The following PHLPP1 variants were observed in gnomAD, a reference collection of about 807,000 sequenced individuals.
PHLPP1 encodes PH domain leucine-rich repeat-containing protein phosphatase 1.
PHLPP1 carries 42 observed loss-of-function variants against 117.2 expected under a neutral mutation model. The ratio of observed to expected loss-of-function variants is 0.36; its 90% CI spans 0.28 to 0.46. The LOEUF (loss-of-function observed/expected upper bound fraction) is 0.46. Ranked by LOEUF, PHLPP1 falls within the 20% of genes least tolerant of loss-of-function variation. The pLI is 1.00. For missense variants in PHLPP1, 2,084 were observed against 2,241.9 expected, an observed-to-expected ratio of 0.93 and a Z score of 1.42; for synonymous variants, 1,042 against 970.7, an observed-to-expected ratio of 1.07 and a Z score of -1.37.
In PHLPP1 at chr18:62,970,704, G is replaced by A. The variant is rs1317866619; in HGVS notation, c.3561-1810G>A. ...CACTTGAACCCGGGAGGCAGAGATT[G>A]CAGTGAACCAAGATCACACCACTGC... is the stretch of plus-strand genomic sequence containing the variant. On this transcript the variant is annotated intron_variant, in intron 14 of 16. Transcript: ENST00000262719. 1.3e-5 allele frequency among the ~76,000 whole-genome samples: 2 copies of A among 152,264 alleles called. 1 individual carries two copies. The highest frequency in any genetic ancestry group is 4.1e-4 in the South Asian group (2 of 4,824).
chr18:62,838,831 T>A lies in PHLPP1; in HGVS notation c.1821T>A (p.Ser607=). The change falls in exon 3 of 17, where the codon TCT becomes TCA. Residue 607 remains serine (S), a synonymous_variant. Coordinates refer to ENST00000262719, the MANE Select transcript of PHLPP1 (RefSeq NM_194449.4). The part of the protein sequence containing the change: ...KHQHCLAFSS[S]GPQSQTYYIC... ...AACACTGTTTAGCATTTAGCTCCTC[T>A]GGACCCCAAAGCCAGACTTACTACA... The A allele has an allele frequency of 6.2e-7, 1 of 1,613,824 alleles. No homozygotes were observed. Among genetic ancestry groups the A allele is most frequent in the Non-Finnish European group, 8.5e-7 (1 of 1,179,700 alleles).
intron 1 of PHLPP1, among the ~76,000 whole-genome samples, chr18:62,762,786 C>A (rs1912296686): frequency 6.6e-6 from 1 of 152,094 alleles, no homozygotes; most frequent in East Asian, 1.9e-4. Context: ...TAGAACAATT[C>A]TTTAATTTTG....
chr18:62,770,197 G>A (rs772354049), intron 1 of PHLPP1, among the ~76,000 whole-genome samples: 13 of 151,996 alleles, frequency 8.6e-5, no homozygotes, highest in Admixed American at 1.3e-4. Context: ...TGCAACCTCC[G>A]CCTCCTGGTT....
intron 12 of PHLPP1, among the ~76,000 whole-genome samples, chr18:62,955,007 A>G (rs149889630): frequency 1.3e-5 from 2 of 152,370 alleles, no homozygotes; most frequent in African/African-American, 2.4e-5. Context: ...CTAGGAGGCC[A>G]TAGTCTCATG....
intron 1 of PHLPP1, among the ~76,000 whole-genome samples, chr18:62,726,415 A>G (rs75334941): frequency 1.3e-5 from 2 of 151,152 alleles, no homozygotes; most frequent in East Asian, 3.9e-4. Flanking sequence ...TAAGTCACTT[A>G]TATTTTCTTT....
At chr18:62,900,083 G>A (rs928144541) in intron 6 of PHLPP1, among the ~76,000 whole-genome samples, 2 of 152,086 alleles carry the variant, frequency 1.3e-5, no homozygotes, top group South Asian at 4.1e-4. Flanking sequence ...GATCACCTGA[G>A]GTCAGGAGTT....
chr18:62,809,645 T>C (rs1174925779), intron 1 of PHLPP1, among the ~76,000 whole-genome samples: 2 of 151,870 alleles, frequency 1.3e-5, no homozygotes, highest in East Asian at 3.9e-4. Context: ...GAGCTTGCGG[T>C]GAGCTGAGAT....
At chr18:62,740,873 C>G (rs747586087) in intron 1 of PHLPP1, among the ~76,000 whole-genome samples, 20 of 152,080 alleles carry the variant, frequency 1.3e-4, no homozygotes, top group Non-Finnish European at 7.3e-5. Context: ...ACTGTGGAAG[C>G]TGAGGCAGGA....
chr18:62,916,793 G>A (rs1416439988), intron 9 of PHLPP1, among the ~76,000 whole-genome samples: 1 of 99,704 alleles, frequency 1.0e-5, no homozygotes. Flanking sequence ...TCAGTCTGTT[G>A]CCCAGGCTGC....
chr18:62,828,811 A>G (rs937948224), intron 1 of PHLPP1, among the ~76,000 whole-genome samples: 1 of 152,186 alleles, frequency 6.6e-6, no homozygotes, highest in Admixed American at 6.5e-5. Flanking sequence ...CAACTAGTCC[A>G]ACTTCTAAAT....
intron 1 of PHLPP1, among the ~76,000 whole-genome samples, chr18:62,816,561 C>T (rs1006818635): frequency 1.1e-4 from 16 of 151,720 alleles, no homozygotes; most frequent in South Asian, 2.1e-4. Flanking sequence ...AACAATACTC[C>T]GTCTCAAAAA....
intron 4 of PHLPP1, among the ~76,000 whole-genome samples, chr18:62,871,619 C>T (rs959184464): frequency 5.3e-5 from 8 of 149,942 alleles, no homozygotes; most frequent in African/African-American, 9.8e-5. Context: ...TGAGTCACCA[C>T]GCCTGGCCAA....
intron 14 of PHLPP1, among the ~76,000 whole-genome samples, chr18:62,964,043 T>C (rs908276889): frequency 2.0e-5 from 3 of 152,072 alleles, no homozygotes; most frequent in Non-Finnish European, 4.4e-5. Context: ...TAGATACAGA[T>C]ATTGATTTTT....
chr18:62,861,986 T>TC (rs1915642814), intron 4 of PHLPP1, among the ~76,000 whole-genome samples: 1 of 152,222 alleles, frequency 6.6e-6, no homozygotes, highest in South Asian at 2.1e-4. Flanking sequence ...ATTTGGAGAG[T>TC]ACTACTCCGT....
At chr18:62,903,998 A>C (rs557843996) in intron 7 of PHLPP1, among the ~76,000 whole-genome samples, 188 of 152,338 alleles carry the variant, frequency 1.2e-3, no homozygotes, top group African/African-American at 4.4e-3. Flanking sequence ...ACAAGTGTTC[A>C]CTACTGCAAG....
intron 12 of PHLPP1, among the ~76,000 whole-genome samples, chr18:62,951,706 CT>C (rs1384865373): frequency 6.6e-6 from 1 of 151,712 alleles, no homozygotes; most frequent in Non-Finnish European, 1.5e-5. Context: ...AATAATGGCT[CT>C]TTCCCTTCTC....
chr18:62,961,271 G>A (rs1910759850), intron 13 of PHLPP1, among the ~76,000 whole-genome samples: 1 of 152,158 alleles, frequency 6.6e-6, no homozygotes, highest in Non-Finnish European at 1.5e-5. Flanking sequence ...TCCAGCCTGG[G>A]CAGCAAGAGC....
chr18:62,720,438 A>G (rs1183021867), intron 1 of PHLPP1, among the ~76,000 whole-genome samples: 2 of 152,112 alleles, frequency 1.3e-5, no homozygotes, highest in African/African-American at 2.4e-5. Context: ...CGGACAAGGT[A>G]TTTTTGTGTG....
chr18:62,849,818 A>ATATATATATATATATAT (rs1915281396), intron 3 of PHLPP1, among the ~76,000 whole-genome samples: 1 of 45,006 alleles, frequency 2.2e-5, no homozygotes, highest in African/African-American at 9.0e-5. Flanking sequence ...AAAAAAAAAA[A>ATATATATATATATATAT]AAAAAAAAAA....
Sources: allele counts gnomAD v4.1 joint callset (sites outside exome capture counted in the v4.1 genomes callset), GRCh38; gene constraint gnomAD v4.1.1; transcripts MANE v1.5; gene names NCBI Gene and HGNC (gene_info 2026-07-23, HGNC 2026-07-21).